Variants in PTBP3 observed in about 807,000 individuals in gnomAD.
PTBP3 encodes polypyrimidine tract binding protein 3.
In PTBP3, 20 loss-of-function variants were observed where a neutral mutation model predicts 58.7. The observed-to-expected ratio is 0.34, with a 90% CI of 0.24 to 0.50. The LOEUF is 0.50. PTBP3 is among the 20% of genes least tolerant of loss of function. The probability of loss-of-function intolerance (pLI) is 0.98; values close to 1 mark genes in which losing one functional copy is unlikely to be tolerated. For synonymous variants in PTBP3, 185 were observed against 219.8 expected, an observed-to-expected ratio of 0.84 and a Z score of 1.40; for missense variants, 509 against 637.2, an observed-to-expected ratio of 0.80 and a Z score of 2.17.
At chr9:112,248,466 G>A (rs1835973006) in intron 7 of PTBP3, among the ~76,000 whole-genome samples, 1 of 151,982 alleles carries the variant, frequency 6.6e-6, no homozygotes, top group Admixed American at 6.6e-5. Context: ...CGAAATCTCA[G>A]AAATCACCAC....
chr9:112,312,081 T>C (rs1829504486), intron 1 of PTBP3, among the ~76,000 whole-genome samples: 1 of 152,234 alleles, frequency 6.6e-6, no homozygotes, highest in Non-Finnish European at 1.5e-5. Context: ...TCTTTGTTTA[T>C]AGGTAATACA....
In PTBP3 at chr9:112,307,559, C is replaced by T. The variant is rs542626422; in HGVS notation, c.-51-9643G>A. 5.9e-5 allele frequency among the ~76,000 whole-genome samples: 9 copies of T among 152,268 alleles called. No individual in the cohort carries two copies. The South Asian group carries it at 1.9e-3, about 32-fold the overall frequency. ...AGACGTTTCTGAAGCAATTATGACACTTTTAAAAGCTGGTAACTTTCTCCC... is the reference window on the plus strand; with the variant it reads ...AGACGTTTCTGAAGCAATTATGACATTTTTAAAAGCTGGTAACTTTCTCCC... On this transcript the variant is annotated intron_variant, in intron 1 of 13. Transcript: ENST00000374257.
intron 7 of PTBP3, among the ~76,000 whole-genome samples, chr9:112,250,156 T>C (rs1395881622): frequency 1.3e-5 from 2 of 152,128 alleles, no homozygotes; most frequent in Non-Finnish European, 2.9e-5. Context: ...TAAAACATGA[T>C]GAACTAAATA....
intron 1 of PTBP3, among the ~76,000 whole-genome samples, chr9:112,300,609 T>G (rs1483161723): frequency 4.0e-5 from 6 of 151,682 alleles, no homozygotes; most frequent in Non-Finnish European, 5.9e-5. Flanking sequence ...AAAATCAGCC[T>G]GGCGTGGTGG....
Position 112,223,793 on chromosome 9 carries a change from T to C in PTBP3, c.*58A>G. 6.2e-7 allele frequency: 1 copy of C among 1,611,100 alleles called. No individual in the cohort carries two copies. The highest frequency in any genetic ancestry group is 1.7e-5 in the Admixed American group (1 of 59,870). ...ATTGGTCTTGAGCTGCTTCAGTCTA[T>C]GTCTGAAGGTTTTACTGAAATTATG... On this transcript the variant is annotated 3_prime_UTR_variant, in exon 14 of 14. Coordinates refer to ENST00000374257, the MANE Select transcript of PTBP3 (RefSeq NM_001163788.4).
chr9:112,338,664 A>G (rs917104148), upstream of PTBP3, among the ~76,000 whole-genome samples: 5 of 152,154 alleles, frequency 3.3e-5, no homozygotes, highest in African/African-American at 4.8e-5. Context: ...ACACACACTG[A>G]CTCTGACCGA....
intron 7 of PTBP3, among the ~76,000 whole-genome samples, chr9:112,247,957 CATAA>C (rs1835953674): frequency 1.3e-5 from 2 of 151,982 alleles, no homozygotes; most frequent in African/African-American, 4.8e-5. Context: ...CATACATACA[CATAA>C]ATACTCAGAT....
the PTBP3 span, among the ~76,000 whole-genome samples, chr9:112,347,634 T>C: frequency 1.3e-5 from 2 of 152,206 alleles, no homozygotes; most frequent in African/African-American, 4.8e-5. Flanking sequence ...TGAGCTACTG[T>C]ACCATTTTTA....
intron 2 of PTBP3, among the ~76,000 whole-genome samples, chr9:112,292,258 GAAAAAATTT>G (rs1225081978): frequency 6.6e-6 from 1 of 152,108 alleles, no homozygotes; most frequent in Non-Finnish European, 1.5e-5. Context: ...GCCATTATTT[GAAAAAATTT>G]AAAACCCAAA....
chr9:112,374,098 A>G, the PTBP3 span, among the ~76,000 whole-genome samples: 1 of 152,172 alleles, frequency 6.6e-6, no homozygotes, highest in African/African-American at 2.4e-5. Flanking sequence ...GGGGTATGGT[A>G]ACACTGAGAT....
intron 1 of PTBP3, chr9:112,332,670 G>T: frequency 7.8e-7 from 1 of 1,275,010 alleles, no homozygotes; most frequent in Non-Finnish European, 1.1e-6. Flanking sequence ...AGTCCCCAGA[G>T]AACAGTTTAT....
At chr9:112,319,381 A>T (rs529130129) in intron 1 of PTBP3, among the ~76,000 whole-genome samples, 1 of 152,136 alleles carries the variant, frequency 6.6e-6, no homozygotes, top group South Asian at 2.1e-4. Flanking sequence ...TTACAAAAAT[A>T]AAAAAATAGC....
At chr9:112,273,217 C>A (rs922504741) in intron 3 of PTBP3, among the ~76,000 whole-genome samples, 1 of 152,106 alleles carries the variant, frequency 6.6e-6, no homozygotes, top group African/African-American at 2.4e-5. Flanking sequence ...AAAAATTGCA[C>A]GATCTTAAAA....
At chr9:112,228,071 T>G (rs1230525743) in intron 11 of PTBP3, among the ~76,000 whole-genome samples, 1 of 152,100 alleles carries the variant, frequency 6.6e-6, no homozygotes. Flanking sequence ...AAAACTTAAT[T>G]TGGAAGGAAA....
chr9:112,249,046 T>C (rs970409457), intron 7 of PTBP3, among the ~76,000 whole-genome samples: 5 of 152,202 alleles, frequency 3.3e-5, no homozygotes, highest in African/African-American at 9.6e-5. Context: ...AGGTTCTAAA[T>C]ACAGCTTTAA....
the PTBP3 span, among the ~76,000 whole-genome samples, chr9:112,356,681 G>C: frequency 0.37 from 55,718 of 151,188 alleles, 11,297 homozygotes; most frequent in African/African-American, 0.53. Context: ...TTGTTTTCTA[G>C]AATTCCAGGT....
chr9:112,298,937 G>C (rs963747679), intron 1 of PTBP3, among the ~76,000 whole-genome samples: 5 of 152,158 alleles, frequency 3.3e-5, no homozygotes, highest in African/African-American at 1.2e-4. Context: ...AATTAAGTAA[G>C]CAGGATAAAA....
At chr9:112,321,270 A>G (rs1008875772) in intron 1 of PTBP3, among the ~76,000 whole-genome samples, 1 of 152,080 alleles carries the variant, frequency 6.6e-6, no homozygotes, top group Non-Finnish European at 1.5e-5. Flanking sequence ...GGTGGCTCAT[A>G]CCTGTAATCC....
rs1045820371 is a variant in PTBP3 at position 112,228,233 on chromosome 9, T to C, written c.1147+147A>G. The stretch of plus-strand genomic sequence containing the variant: ...ATGAATATTTTTTAACCTTAACATA[T>C]AGACAGATGCAAATAATAATGAAGG... On this transcript the variant is annotated intron_variant, in intron 11 of 13. Coordinates refer to ENST00000374257, the MANE Select transcript of PTBP3 (RefSeq NM_001163788.4). 7 of 569,286 alleles carry C rather than the reference T, an allele frequency of 1.2e-5. No individual in the cohort carries two copies. The East Asian group carries it at 2.1e-4, about 17-fold the overall frequency. The allele number at this position is 569,286 out of a possible 1,614,324, so 35.3% of individuals were successfully genotyped here. A position where few individuals can be genotyped will look rare whatever the true frequency, so the allele number is the denominator to read the frequency against.
Sources: gnomAD v4.1 joint callset for allele counts (sites outside exome capture counted in the v4.1 genomes callset) on GRCh38, gnomAD v4.1.1 for gene constraint, MANE v1.5 for transcripts, NCBI Gene and HGNC (gene_info 2026-07-23, HGNC 2026-07-21) for gene names.